OGG1: variants seen among roughly 807,000 people sequenced by gnomAD.
OGG1 encodes the protein 8-oxoguanine DNA glycosylase.
OGG1 carries 35 observed loss-of-function variants against 42.3 expected under a neutral mutation model. The ratio of observed to expected loss-of-function variants is 0.83; its 90% CI spans 0.63 to 1.10. The LOEUF (loss-of-function observed/expected upper bound fraction) is 1.10. Ranked by LOEUF, OGG1 falls within the 50% of genes least tolerant of loss-of-function variation. The pLI is 0.00. For synonymous variants in OGG1, 189 were observed against 179.0 expected (o/e 1.06, Z -0.44); for missense variants, 484 against 446.7 (o/e 1.08, Z -0.75).
chr3:9,784,529 A>G (rs1251942252), intron 3 of OGG1, among the ~76,000 whole-genome samples: 1 of 152,034 alleles, frequency 6.6e-6, no homozygotes, highest in Non-Finnish European at 1.5e-5. Context: ...CTTTTGCTAC[A>G]TATTAGTCCA....
At chr3:9,761,372 G>C, downstream of OGG1, 2 of 1,338,946 alleles carry the variant, frequency 1.5e-6, no homozygotes, top group Non-Finnish European at 2.1e-6. Context: ...AGGAAGGGAG[G>C]GCAGAGGGAG....
chr3:9,759,594 G>A (rs765190978), downstream of OGG1: 11 of 1,614,058 alleles, frequency 6.8e-6, no homozygotes, highest in African/African-American at 1.1e-4. Context: ...GGGTTATGTG[G>A]TGGGTTGCCT....
intron 2 of OGG1, among the ~76,000 whole-genome samples, chr3:9,776,491 G>A (rs1453715906): frequency 2.7e-5 from 4 of 147,918 alleles, no homozygotes; most frequent in African/African-American, 5.0e-5. Context: ...CCGGGTTCAC[G>A]CCATGCTCCT....
chr3:9,759,301 C>A, downstream of OGG1: 2 of 1,600,826 alleles, frequency 1.2e-6, no homozygotes, highest in South Asian at 1.1e-5. Flanking sequence ...GGGACCCTCT[C>A]TGGAATAGAG....
intron 2 of OGG1, among the ~76,000 whole-genome samples, chr3:9,776,396 T>C (rs2125608688): frequency 6.8e-6 from 1 of 146,152 alleles, no homozygotes; most frequent in Admixed American, 6.8e-5. Context: ...TTCTTTTTTT[T>C]TTTTTTTTTT....
chr3:9,758,953 A>G (rs562578215), downstream of OGG1: 3 of 504,834 alleles, frequency 5.9e-6, no homozygotes, highest in East Asian at 3.7e-5. Context: ...CTATGCAGCA[A>G]ATACTTGCCT....
At chr3:9,757,410 C>T, downstream of OGG1, 3 of 1,609,452 alleles carry the variant, frequency 1.9e-6, no homozygotes, top group South Asian at 2.2e-5. This position sits in a 1 kb window ranked among gnomAD's most constrained non-coding sequence, Gnocchi z 4.5. Flanking sequence ...ATGGAAAATG[C>T]AGTGAGGAGT....
At chr3:9,789,418 A>G, downstream of OGG1, 1 of 1,201,570 alleles carries the variant, frequency 8.3e-7, no homozygotes, top group Non-Finnish European at 1.2e-6. Flanking sequence ...TTGGGGAAGG[A>G]AGATGATGCA....
At chr3:9,775,047 C>T (rs1480381148) in intron 2 of OGG1, among the ~76,000 whole-genome samples, 1 of 150,388 alleles carries the variant, frequency 6.6e-6, no homozygotes, top group African/African-American at 2.4e-5. Context: ...CCCAGGAGTT[C>T]TCACCAACAT....
intron 6 of OGG1, 48 bp downstream of exon 6, chr3:9,756,864 G>A: frequency 6.2e-7 from 1 of 1,612,660 alleles, no homozygotes; most frequent in Non-Finnish European, 8.5e-7. Flanking sequence ...CTCCAGCCCA[G>A]ACCCAGTGGA....
chr3:9,772,877 A>G (rs1385603040), intron 2 of OGG1, among the ~76,000 whole-genome samples: 2 of 152,126 alleles, frequency 1.3e-5, no homozygotes, highest in African/African-American at 2.4e-5. Flanking sequence ...TTTTAGTACA[A>G]TTCTTCCAGA....
At chr3:9,789,234 G>A (rs1245292175), downstream of OGG1, among the ~76,000 whole-genome samples, 1 of 152,198 alleles carries the variant, frequency 6.6e-6, no homozygotes, top group Non-Finnish European at 1.5e-5. Context: ...ATGAAGGCTT[G>A]GACCAAAGCA....
In OGG1 at chr3:9,757,083, G is replaced by A. The variant is rs541588028; in HGVS notation, c.971G>A (p.Arg324His). Residue 324 changes from arginine (R) to histidine (H), a missense_variant, in exon 7 of 7, where the codon CGC becomes CAC. By Grantham distance (29) the Arg-to-His change is conservative. Transcript: ENST00000344629. The surrounding 1 kb of genome is among the most constrained non-coding windows in gnomAD (Gnocchi z 4.5). ...CAGGTGCTGTTCAGTGCCGACCTGC[G>A]CCAATCCCGCCATGCTCAGGAGCCA... ...AQAVLFSADL[R>H]QSRHAQEPPA... The A allele has an allele frequency of 7.4e-6, 12 of 1,614,008 alleles. No individual in the cohort carries two copies. Among genetic ancestry groups the A allele is most frequent in the Admixed American group, 1.7e-5 (1 of 60,004 alleles).
At chr3:9,779,661 G>T (rs879431897) in intron 2 of OGG1, among the ~76,000 whole-genome samples, 1 of 151,724 alleles carries the variant, frequency 6.6e-6, no homozygotes, top group South Asian at 2.1e-4. Flanking sequence ...AAAAAAAAAA[G>T]AAACCTGGAC....
chr3:9,766,450 G>C (rs1183463842), exon 8 of OGG1: 1 of 416,852 alleles, frequency 2.4e-6, no homozygotes, highest in African/African-American at 2.0e-5. Flanking sequence ...TTTTAGAAAT[G>C]CAAAATCTCT....
At chr3:9,769,512 G>A (rs945555317), downstream of OGG1, among the ~76,000 whole-genome samples, 2 of 151,972 alleles carry the variant, frequency 1.3e-5, no homozygotes, top group Admixed American at 6.6e-5. Context: ...TGACCCACAC[G>A]CCTGTCCTAA....
Position 9,750,263 on chromosome 3 carries a change from T to C in OGG1, c.-24T>C, listed in dbSNP as rs899354018. 5.6e-6 allele frequency: 9 copies of C among 1,602,786 alleles called. No homozygotes were observed. Among genetic ancestry groups the C allele is most frequent in the Admixed American group, 1.7e-5 (1 of 59,684 alleles). ...CCTGGTTCTGGGTAGGCGGGGCTAC[T>C]ACGGGGCGGTGCCTGCTGTGGAAAT... On this transcript the variant is annotated 5_prime_UTR_variant, in exon 1 of 7. Transcript: ENST00000344629.
In OGG1 at chr3:9,751,034, C is replaced by T. The variant is rs761699627; in HGVS notation, c.227C>T (p.Thr76Ile). 7 of 1,613,916 alleles carry T rather than the reference C, an allele frequency of 4.3e-6. No individual in the cohort carries two copies. The highest frequency in any genetic ancestry group is 5.9e-6 in the Non-Finnish European group (7 of 1,179,862). ...LTQTEEQLHCTVYRGDKSQAS... is the reference protein window; with the variant it reads ...LTQTEEQLHCIVYRGDKSQAS... ...CAGACTGAGGAGCAGCTCCACTGCA[C>T]TGTGTACCGAGGAGACAAGAGCCAG... Residue 76 changes from threonine to isoleucine, a missense_variant, in exon 2 of 7, where the codon ACT becomes ATT. Thr to Ile is a moderately conservative substitution (Grantham distance 89, BLOSUM62 -1). Coordinates refer to ENST00000344629, the MANE Select transcript of OGG1 (RefSeq NM_002542.6).
At chr3:9,750,614 G>C in intron 1 of OGG1, 191 bp downstream of exon 1, 1 of 805,712 alleles carries the variant, frequency 1.2e-6, no homozygotes. Context: ...GGATCCAGCG[G>C]TATAACCGAT....
Sources: gnomAD v4.1 joint callset for allele counts (sites outside exome capture counted in the v4.1 genomes callset) on GRCh38, gnomAD v4.1.1 for gene constraint, Gnocchi (gnomAD v3.1) non-coding constraint, MANE v1.5 for transcripts, NCBI Gene and HGNC (gene_info 2026-07-23, HGNC 2026-07-21) for gene names.